The following GABRB2 variants were observed in gnomAD, a reference collection of about 807,000 sequenced individuals.
GABRB2 encodes gamma-aminobutyric acid type A receptor subunit beta2.
In GABRB2, 16 loss-of-function variants were observed where a neutral mutation model predicts 54.7. That is an observed-to-expected ratio of 0.29 (90% CI 0.20 to 0.44). The LOEUF is 0.44. Ranked by LOEUF, GABRB2 falls within the 20% of genes least tolerant of loss-of-function variation. The pLI is 1.00. For missense variants in GABRB2, 355 were observed against 644.0 expected, an observed-to-expected ratio of 0.55 and a Z score of 4.86; for synonymous variants, 244 against 233.8, an observed-to-expected ratio of 1.04 and a Z score of -0.40.
Position 161,324,107 on chromosome 5 carries a change from A to G in GABRB2, c.1191+2261T>C, listed in dbSNP as rs577676638. Among the ~76,000 whole-genome samples the G allele has an allele frequency of 2.6e-4, 39 of 152,340 alleles. 1 individual carries two copies. In the Middle Eastern group the frequency reaches 0.014, roughly 53 times the overall value. The stretch of plus-strand genomic sequence containing the variant: ...TTATGGCATGCACATTCAATTACAT[A>G]TCTTATAGCTATTAGAAATGGTGTA... On this transcript the variant is annotated intron_variant, in intron 9 of 9. Transcript: ENST00000393959.
intron 3 of GABRB2, among the ~76,000 whole-genome samples, chr5:161,537,038 T>A (rs1760659388): frequency 6.6e-6 from 1 of 151,968 alleles, no homozygotes; most frequent in South Asian, 2.1e-4. Context: ...GGGAGAAAAT[T>A]TTCATGATTT....
chr5:161,385,947 GGTGTGTGTGTGT>G (rs70990781), intron 5 of GABRB2, among the ~76,000 whole-genome samples: 80 of 93,410 alleles, frequency 8.6e-4, no homozygotes, highest in South Asian at 1.4e-3. Context: ...CCTATTGTCT[GGTGTGTGTGTGT>G]GTGTGTGTGT....
chr5:161,517,721 A>G (rs575989628), intron 3 of GABRB2, among the ~76,000 whole-genome samples: 3 of 152,310 alleles, frequency 2.0e-5, no homozygotes, highest in African/African-American at 7.2e-5. Flanking sequence ...ATAAAAGTCA[A>G]TTTAAAGGGC....
intron 5 of GABRB2, among the ~76,000 whole-genome samples, chr5:161,343,984 G>C (rs573380566): frequency 6.6e-4 from 100 of 152,196 alleles, no homozygotes; most frequent in African/African-American, 2.3e-3. Flanking sequence ...AGATAGTGAA[G>C]TTCTGATAAA....
chr5:161,433,992 T>C (rs1757246018), intron 4 of GABRB2, among the ~76,000 whole-genome samples: 1 of 152,180 alleles, frequency 6.6e-6, no homozygotes, highest in Admixed American at 6.6e-5. Flanking sequence ...TTTATCATGA[T>C]GAAAATATTA....
intron 4 of GABRB2, among the ~76,000 whole-genome samples, chr5:161,426,796 T>C (rs746466845): frequency 1.3e-5 from 2 of 152,064 alleles, no homozygotes; most frequent in Non-Finnish European, 2.9e-5. Flanking sequence ...AACAATATTA[T>C]AGCACATTGG....
chr5:161,376,094 A>C (rs1012957633), intron 5 of GABRB2, among the ~76,000 whole-genome samples: 1 of 152,000 alleles, frequency 6.6e-6, no homozygotes, highest in Non-Finnish European at 1.5e-5. Context: ...TCTATTAAGT[A>C]AAAAAAATTT....
rs1338672903 is a variant in GABRB2, at chr5:161,369,005, T to TA, written c.542-32237dup. Among the ~76,000 whole-genome samples the TA allele has an allele frequency of 8.5e-5, 13 of 152,256 alleles. No individual in the cohort carries two copies. In the South Asian group the frequency reaches 2.3e-3, roughly 27 times the overall value. On this transcript the variant is annotated intron_variant, in intron 5 of 9. Transcript: ENST00000393959. ...AATCAGTTTTATTAGATCTTATTTT[T>TA]AAAAAAGAGAAGGCAGAAATCGATC...
At chr5:161,449,257 G>A (rs1303251618) in intron 4 of GABRB2, among the ~76,000 whole-genome samples, 2 of 152,104 alleles carry the variant, frequency 1.3e-5, no homozygotes, top group African/African-American at 4.8e-5. Flanking sequence ...AGTTTCCTCA[G>A]CTATAAAATG....
chr5:161,298,391 A>G (rs534763688), intron 9 of GABRB2, among the ~76,000 whole-genome samples: 2 of 152,270 alleles, frequency 1.3e-5, no homozygotes, highest in Admixed American at 6.5e-5. Flanking sequence ...CTTCCCCACC[A>G]TACTATACTT....
At chr5:161,331,724 T>C (rs1580985448) in intron 7 of GABRB2, among the ~76,000 whole-genome samples, 1 of 152,042 alleles carries the variant, frequency 6.6e-6, no homozygotes, top group African/African-American at 2.4e-5. Flanking sequence ...TTAAGGGCCA[T>C]GCAGAGAGCC....
At chr5:161,470,081 T>G (rs79069291) in intron 3 of GABRB2, among the ~76,000 whole-genome samples, 1 of 149,716 alleles carries the variant, frequency 6.7e-6, no homozygotes, top group Non-Finnish European at 1.5e-5. Flanking sequence ...GTTTTTTTTT[T>G]AATCATGGAG....
intron 9 of GABRB2, among the ~76,000 whole-genome samples, chr5:161,301,984 T>C (rs2113347276): frequency 6.6e-6 from 1 of 152,366 alleles, no homozygotes; most frequent in African/African-American, 2.4e-5. Context: ...TCTGGAATTA[T>C]TGTGCTTATC....
At chr5:161,458,670 A>G (rs1321928974) in intron 4 of GABRB2, among the ~76,000 whole-genome samples, 3 of 152,224 alleles carry the variant, frequency 2.0e-5, no homozygotes, top group African/African-American at 7.2e-5. Context: ...ATCTTTGGCA[A>G]ATTGCATCAG....
chr5:161,546,879 G>A (rs537517174), upstream of GABRB2: 119 of 802,562 alleles, frequency 1.5e-4, no homozygotes, highest in Non-Finnish European at 1.0e-4. Context: ...GAATAATATA[G>A]AAAAGTCACC....
intron 5 of GABRB2, among the ~76,000 whole-genome samples, chr5:161,355,653 A>G (rs1754600882): frequency 6.6e-6 from 1 of 151,994 alleles, no homozygotes; most frequent in African/African-American, 2.4e-5. Context: ...TTCCAAGTAA[A>G]CCATAAACAT....
At chr5:161,385,947 G>GGGT (rs1166010591) in intron 5 of GABRB2, among the ~76,000 whole-genome samples, 1 of 93,354 alleles carries the variant, frequency 1.1e-5, no homozygotes, top group Non-Finnish European at 2.4e-5. Flanking sequence ...CCTATTGTCT[G>GGGT]GTGTGTGTGT....
chr5:161,425,711 T>G (rs1018958239), intron 4 of GABRB2, among the ~76,000 whole-genome samples: 9 of 152,132 alleles, frequency 5.9e-5, no homozygotes, highest in Admixed American at 5.2e-4. Flanking sequence ...CTATCTGTCT[T>G]ATGGTCTCAA....
chr5:161,490,567 T>G (rs1293022323), intron 3 of GABRB2, among the ~76,000 whole-genome samples: 1 of 151,694 alleles, frequency 6.6e-6, no homozygotes. Flanking sequence ...GCAGAAGTGC[T>G]CATAAGCATC....
Sources: allele counts gnomAD v4.1 joint callset (sites outside exome capture counted in the v4.1 genomes callset), GRCh38; gene constraint gnomAD v4.1.1; transcripts MANE v1.5; gene names NCBI Gene and HGNC (gene_info 2026-07-23, HGNC 2026-07-21).